Variants in CEP83 observed in about 807,000 individuals in gnomAD.
CEP83 encodes the protein centrosomal protein 83.
CEP83 carries 70 observed loss-of-function variants against 101.9 expected under a neutral mutation model. The ratio of observed to expected loss-of-function variants is 0.69; its 90% CI spans 0.57 to 0.84. The LOEUF (loss-of-function observed/expected upper bound fraction) is 0.84, where lower values mean the gene tolerates loss of function less well. CEP83 is among the 40% of genes least tolerant of loss of function. CEP83 has a pLI of 0.00. For missense variants in CEP83, 715 were observed against 787.2 expected, an observed-to-expected ratio of 0.91 and a Z score of 1.10; for synonymous variants, 264 against 267.9, an observed-to-expected ratio of 0.99 and a Z score of 0.14.
intron 15 of CEP83, among the ~76,000 whole-genome samples, chr12:94,312,050 G>C (rs1969943312): frequency 6.6e-6 from 1 of 151,664 alleles, no homozygotes; most frequent in East Asian, 1.9e-4. Context: ...ACTCCACCCT[G>C]AACCATAGAC....
intron 2 of CEP83, among the ~76,000 whole-genome samples, chr12:94,434,574 A>G (rs1312950337): frequency 6.6e-6 from 1 of 152,232 alleles, no homozygotes; most frequent in Non-Finnish European, 1.5e-5. Context: ...TAAAAATGTC[A>G]CAATATTAGG....
At chr12:94,348,526 T>C (rs2060048391) in intron 11 of CEP83, among the ~76,000 whole-genome samples, 2 of 152,058 alleles carry the variant, frequency 1.3e-5, no homozygotes, top group South Asian at 4.1e-4. Context: ...GATTGTGACA[T>C]GCGACAAAAA....
the CEP83 span, chr12:94,297,465 G>T: frequency 7.5e-7 from 1 of 1,326,042 alleles, no homozygotes; most frequent in Non-Finnish European, 1.1e-6. Context: ...CTACCTAGGG[G>T]GTGTATGATA....
chr12:94,287,284 A>G, the CEP83 span, among the ~76,000 whole-genome samples: 9 of 152,158 alleles, frequency 5.9e-5, no homozygotes, highest in Admixed American at 5.9e-4. Context: ...CCTTAACTGG[A>G]TGTCATTCTG....
chr12:94,319,632 A>G (rs1000211841), intron 14 of CEP83, among the ~76,000 whole-genome samples: 2 of 152,158 alleles, frequency 1.3e-5, no homozygotes, highest in African/African-American at 4.8e-5. Flanking sequence ...TCTTTACTCA[A>G]AAGTCATTCA....
At chr12:94,449,870 C>T (rs2067120537) in intron 1 of CEP83, among the ~76,000 whole-genome samples, 1 of 141,514 alleles carries the variant, frequency 7.1e-6, no homozygotes, top group Non-Finnish European at 1.5e-5. Context: ...TAATCTCCAA[C>T]AATCAATTAA....
At chr12:94,398,806 G>A in intron 6 of CEP83, among the ~76,000 whole-genome samples, 1 of 152,038 alleles carries the variant, frequency 6.6e-6, no homozygotes, top group Non-Finnish European at 1.5e-5. Flanking sequence ...TAATACCCTG[G>A]GGAAGGAATG....
intron 1 of CEP83, among the ~76,000 whole-genome samples, chr12:94,455,849 C>A (rs1043336594): frequency 6.6e-6 from 1 of 151,952 alleles, no homozygotes; most frequent in Non-Finnish European, 1.5e-5. Context: ...GTTCCGAGAC[C>A]AGCCTGGCCA....
At chr12:94,387,748 C>A (rs1485078002) in intron 6 of CEP83, among the ~76,000 whole-genome samples, 1 of 151,896 alleles carries the variant, frequency 6.6e-6, no homozygotes, top group Non-Finnish European at 1.5e-5. Context: ...GAAAAAACAA[C>A]CCCATAATAA....
rs200161629 is a variant in CEP83 at position 94,378,988 on chromosome 12, C to A, written c.604G>T (p.Asp202Tyr). The A allele has an allele frequency of 6.2e-7, 1 of 1,613,368 alleles. No individual in the cohort carries two copies. The highest frequency in any genetic ancestry group is 1.1e-5 in the South Asian group (1 of 91,042). ...EELRNQLLNV[D>Y]LTKDSKRVEQ... ...ACTCGTTTGCTGTCTTTTGTGAGAT[C>A]AACATTAAGCAGCTGGTTACGTAGT... Residue 202 changes from aspartate to tyrosine, a missense_variant, in exon 7 of 17, where the codon GAT (aspartate) becomes TAT (tyrosine). Transcript: ENST00000397809.
At chr12:94,353,017 A>C (rs1454494156) in intron 11 of CEP83, among the ~76,000 whole-genome samples, 1 of 152,202 alleles carries the variant, frequency 6.6e-6, no homozygotes, top group African/African-American at 2.4e-5. Context: ...AACTGATTCA[A>C]CCCAAAAAGG....
downstream of CEP83, chr12:94,305,459 T>G (rs1968909067): frequency 1.7e-6 from 1 of 577,108 alleles, no homozygotes; most frequent in Non-Finnish European, 3.1e-6. Flanking sequence ...ATACCAACCC[T>G]TGTGCCTGTG....
At chr12:94,389,812 T>C (rs898880687) in intron 6 of CEP83, among the ~76,000 whole-genome samples, 1 of 152,094 alleles carries the variant, frequency 6.6e-6, no homozygotes, top group Non-Finnish European at 1.5e-5. Flanking sequence ...ACAAGGAGAT[T>C]CTCTCCCATG....
At chr12:94,441,304 G>A (rs1169631485) in intron 1 of CEP83, among the ~76,000 whole-genome samples, 5 of 152,108 alleles carry the variant, frequency 3.3e-5, no homozygotes, top group African/African-American at 7.2e-5. Flanking sequence ...CAGAATCTAC[G>A]AGGAACTCAA....
chr12:94,369,117 G>A (rs2061165702), intron 9 of CEP83: 1 of 152,166 alleles, frequency 6.6e-6, no homozygotes, highest in African/African-American at 2.4e-5. Context: ...TAAATAATGA[G>A]GAAATCTGAT....
At chr12:94,337,444 A>C (rs78920107) in intron 11 of CEP83, among the ~76,000 whole-genome samples, 3,937 of 152,280 alleles carry the variant, frequency 0.026, 187 homozygotes, top group African/African-American at 0.091. Context: ...CATTACATTT[A>C]GGATTCTATG....
intron 14 of CEP83, among the ~76,000 whole-genome samples, chr12:94,330,723 C>T (rs2059161365): frequency 6.6e-6 from 1 of 152,290 alleles, no homozygotes; most frequent in Non-Finnish European, 1.5e-5. Context: ...ATGAAACAAG[C>T]TTAATCACAC....
chr12:94,298,759 C>A, the CEP83 span: 1 of 1,612,530 alleles, frequency 6.2e-7, no homozygotes, highest in Non-Finnish European at 8.5e-7. Flanking sequence ...AAAAAAATCA[C>A]AGATCCTGAC....
At position 94,408,784 on chromosome 12, in the gene CEP83, G is replaced by A. The variant is rs76040630; in HGVS notation, c.324+2913C>T. On this transcript the variant is annotated intron_variant, in intron 4 of 16. Transcript: ENST00000397809. Reference sequence around the variant, plus strand: ...TACTTTTTAGAGACAGAGTTACCCAGTTACGTTACCCAGGCTGGTTTCAAA... The same window carrying A: ...TACTTTTTAGAGACAGAGTTACCCAATTACGTTACCCAGGCTGGTTTCAAA... Among the ~76,000 whole-genome samples the A allele has an allele frequency of 7.9e-3, 1,206 of 151,996 alleles. 13 individuals carry two copies. The highest frequency in any genetic ancestry group is 0.027 in the African/African-American group (1,125 of 41,450).
Sources: gnomAD v4.1 joint callset for allele counts (sites outside exome capture counted in the v4.1 genomes callset) on GRCh38, gnomAD v4.1.1 for gene constraint, MANE v1.5 for transcripts, NCBI Gene and HGNC (gene_info 2026-07-23, HGNC 2026-07-21) for gene names.